PLA1A: variants seen among roughly 807,000 people sequenced by gnomAD.
The protein encoded by PLA1A is phospholipase A1 member A, also known as phosphatidylserine-specific phospholipase A1alpha.
PLA1A carries 47 observed loss-of-function variants against 49.4 expected under a neutral mutation model. That is an observed-to-expected ratio of 0.95 (90% CI 0.75 to 1.21). PLA1A has a LOEUF of 1.21. Ranked by LOEUF, PLA1A falls within the 50% of genes most tolerant of loss-of-function variation. The pLI is 0.00. For synonymous variants in PLA1A, 224 were observed against 207.9 expected, an observed-to-expected ratio of 1.08 and a Z score of -0.67; for missense variants, 561 against 563.9, an observed-to-expected ratio of 0.99 and a Z score of 0.05.
chr3:119,599,864 G>C (rs988678065), intron 1 of PLA1A, among the ~76,000 whole-genome samples: 7 of 152,152 alleles, frequency 4.6e-5, no homozygotes, highest in Non-Finnish European at 1.0e-4. Flanking sequence ...GTGTTTCACT[G>C]TCAACAGCAA....
intron 6 of PLA1A, among the ~76,000 whole-genome samples, chr3:119,616,467 A>G (rs535100053): frequency 1.3e-5 from 2 of 152,394 alleles, no homozygotes; most frequent in East Asian, 3.9e-4. Context: ...TTTTGAACAC[A>G]TTCAATGACT....
chr3:119,598,656 C>G (rs1261391791), intron 1 of PLA1A: 1 of 152,270 alleles, frequency 6.6e-6, no homozygotes, highest in Non-Finnish European at 1.5e-5. Flanking sequence ...AATCCCCTCC[C>G]TCTACTCACA....
chr3:119,601,989 T>G lies in PLA1A; in HGVS notation c.73+4003T>G, dbSNP rs533166374. ...TTTTAATGTTAAAACAGCCTTTAATTCTTTGCAAAGAATTGGCCCAGCAAA... is the reference window on the plus strand; with the variant it reads ...TTTTAATGTTAAAACAGCCTTTAATGCTTTGCAAAGAATTGGCCCAGCAAA... On this transcript the variant is annotated intron_variant, in intron 1 of 10. Transcript: ENST00000273371. 5.3e-5 allele frequency among the ~76,000 whole-genome samples: 8 copies of G among 152,244 alleles called. No homozygotes were observed. In the South Asian group the frequency reaches 1.7e-3, roughly 32 times the overall value.
At chr3:119,625,355 G>C (rs950615348) in intron 9 of PLA1A, 123 bp downstream of exon 9, 10 of 648,124 alleles carry the variant, frequency 1.5e-5, no homozygotes. Flanking sequence ...CAGCCGGCTT[G>C]GCTGGGGGCA....
chr3:119,617,279 T>C (rs998886461), intron 6 of PLA1A, among the ~76,000 whole-genome samples: 1 of 152,176 alleles, frequency 6.6e-6, no homozygotes, highest in Non-Finnish European at 1.5e-5. Context: ...CGGCGGCTGA[T>C]GCAGCAGTCT....
At chr3:119,603,460 T>C (rs2082644271) in intron 1 of PLA1A, among the ~76,000 whole-genome samples, 1 of 152,250 alleles carries the variant, frequency 6.6e-6, no homozygotes, top group South Asian at 2.1e-4. Flanking sequence ...ATGTTGCTCA[T>C]ATTTCCTTAT....
intron 1 of PLA1A, among the ~76,000 whole-genome samples, chr3:119,604,196 C>T (rs557357776): frequency 1.3e-5 from 2 of 152,212 alleles, no homozygotes; most frequent in African/African-American, 4.8e-5. Flanking sequence ...GATGGAGGCT[C>T]CTCAGAAAAC....
intron 1 of PLA1A, among the ~76,000 whole-genome samples, chr3:119,605,303 G>T (rs139041777): frequency 6.1e-4 from 93 of 152,254 alleles, no homozygotes; most frequent in African/African-American, 2.0e-3. Flanking sequence ...CAAAGTCTGG[G>T]GCTCAGAAGC....
rs2082728369 is a variant in PLA1A at position 119,608,811 on chromosome 3, G to C, written c.317G>C (p.Arg106Thr). ...CCTTCCTGGATTGACACATTTATTAGAACCCTTCTGCGTGCAACGAATGCT... is the reference window on the plus strand; with the variant it reads ...CCTTCCTGGATTGACACATTTATTACAACCCTTCTGCGTGCAACGAATGCT... ...TKPSWIDTFIRTLLRATNANV... is the reference protein window; with the variant it reads ...TKPSWIDTFITTLLRATNANV... The change falls in exon 3 of 11, where the codon AGA (arginine) becomes ACA (threonine). Residue 106 changes from arginine (R) to threonine (T), a missense_variant. Coordinates refer to ENST00000273371, the MANE Select transcript of PLA1A (RefSeq NM_015900.4). 3 of 1,613,880 alleles carry C rather than the reference G, an allele frequency of 1.9e-6. No homozygotes were observed. In the African/African-American group the frequency reaches 4.0e-5, roughly 22 times the overall value.
Position 119,629,583 on chromosome 3 carries a change from CA to C in PLA1A, c.*118del. On this transcript the variant is annotated 3_prime_UTR_variant, in exon 11 of 11. Transcript: ENST00000273371. ...AGACCATTACTACTAAGGAGAAAAG[CA>C]AAGCTCTTTCTTATTTTCCTCATAA... The C allele has an allele frequency of 1.5e-6, 1 of 654,876 alleles. No individual in the cohort carries two copies. The highest frequency in any genetic ancestry group is 1.8e-5 in the South Asian group (1 of 54,308). 40.6% of individuals were successfully genotyped at this position (654,876 alleles called of 1,614,324 possible).
At chr3:119,611,280 G>T (rs901822779) in intron 4 of PLA1A, among the ~76,000 whole-genome samples, 1 of 152,068 alleles carries the variant, frequency 6.6e-6, no homozygotes, top group African/African-American at 2.4e-5. Context: ...TTTTTGCTTA[G>T]GATTACCTTG....
At chr3:119,625,033 A>T in intron 8 of PLA1A, 91 bp from the exon 9 acceptor site, 1 of 758,642 alleles carries the variant, frequency 1.3e-6, no homozygotes, top group Non-Finnish European at 2.3e-6. Context: ...AGATAGAGCC[A>T]AGATTCCCAA....
rs751081005 is a variant in PLA1A at position 119,619,683 on chromosome 3, C to A, written c.1012+31C>A. 108 of 1,440,726 alleles carry A rather than the reference C, an allele frequency of 7.5e-5. No individual in the cohort carries two copies. In the South Asian group the frequency reaches 1.0e-3, roughly 14 times the overall value. 89.2% of individuals were successfully genotyped at this position (1,440,726 alleles called of 1,614,324 possible). ...TAGGGGGAAATGCATGAGCTCAGCT[C>A]TGCCAGGGCACCACCAGAGGAGTCC... On this transcript the variant is annotated intron_variant, in intron 8 of 10. Transcript: ENST00000273371.
At chr3:119,602,410 A>G (rs909881339) in intron 1 of PLA1A, among the ~76,000 whole-genome samples, 6 of 152,238 alleles carry the variant, frequency 3.9e-5, no homozygotes, top group African/African-American at 1.4e-4. Flanking sequence ...TCCATTTTCT[A>G]GCAAAATATC....
intron 2 of PLA1A, among the ~76,000 whole-genome samples, chr3:119,608,391 C>A (rs1577140715): frequency 6.6e-6 from 1 of 152,322 alleles, no homozygotes; most frequent in Middle Eastern, 3.4e-3. Context: ...GGGCATATTT[C>A]TTTTCCACAA....
intron 7 of PLA1A, among the ~76,000 whole-genome samples, chr3:119,619,133 G>T (rs1577150181): frequency 6.6e-6 from 1 of 152,280 alleles, no homozygotes; most frequent in East Asian, 1.9e-4. Flanking sequence ...TCACCTGTGT[G>T]CCTTGGTCCT....
intron 5 of PLA1A, among the ~76,000 whole-genome samples, chr3:119,615,336 G>T (rs984274892): frequency 6.6e-6 from 1 of 152,134 alleles, no homozygotes; most frequent in South Asian, 2.1e-4. Flanking sequence ...GAGCACAAAA[G>T]ATATGTTTTT....
In PLA1A at chr3:119,629,559, GACCA is replaced by G; in HGVS notation, c.*92_*95del. On this transcript the variant is annotated 3_prime_UTR_variant, in exon 11 of 11. Transcript: ENST00000273371. ...GGATGTGTGTGTGCAGCTTATTGTA[GACCA>G]TTACTACTAAGGAGAAAAGCAAAGC... 1 of 745,428 alleles carries G rather than the reference GACCA, an allele frequency of 1.3e-6. No individual in the cohort carries two copies. The highest frequency in any genetic ancestry group is 2.0e-5 in the Admixed American group (1 of 51,110). 46.2% of individuals were successfully genotyped at this position (745,428 alleles called of 1,614,324 possible).
chr3:119,606,078 C>T (rs950781152), intron 1 of PLA1A, among the ~76,000 whole-genome samples: 1 of 152,160 alleles, frequency 6.6e-6, no homozygotes, highest in Non-Finnish European at 1.5e-5. Context: ...CATTTGGCTG[C>T]CCAGGGTTCT....
Sources: gnomAD v4.1 joint callset for allele counts (sites outside exome capture counted in the v4.1 genomes callset) on GRCh38, gnomAD v4.1.1 for gene constraint, MANE v1.5 for transcripts, NCBI Gene and HGNC (gene_info 2026-07-23, HGNC 2026-07-21) for gene names.